Variants in THADA observed in about 807,000 individuals in gnomAD.
THADA encodes the protein tRNA (32-2'-O)-methyltransferase regulator THADA.
In THADA, 213 loss-of-function variants were observed where a neutral mutation model predicts 219.8. The observed-to-expected ratio is 0.97, with a 90% CI of 0.87 to 1.09. The LOEUF is 1.09. Ranked by LOEUF, THADA falls within the 50% of genes least tolerant of loss-of-function variation. The pLI, the probability that THADA is intolerant of heterozygous loss-of-function variation, is 0.00. For synonymous variants in THADA, 1,018 were observed against 828.9 expected (o/e 1.23, Z -3.92); for missense variants, 2,956 against 2,311.3 (o/e 1.28, Z -5.72).
chr2:43,426,690 A>T (rs372974437), intron 28 of THADA, among the ~76,000 whole-genome samples: 19 of 152,192 alleles, frequency 1.2e-4, no homozygotes, highest in African/African-American at 4.3e-4. Context: ...CCTCATGTTT[A>T]ATGGTTTTCT....
chr2:43,501,307 C>CAAAAAAAAAAAAAAAAAAAAAAAAAAAA (rs60448094), intron 24 of THADA, among the ~76,000 whole-genome samples: 1 of 15,042 alleles, frequency 6.6e-5, no homozygotes, highest in Non-Finnish European at 1.3e-4. Flanking sequence ...ACTCCAACTC[C>CAAAAAAAAAAAAAAAAAAAAAAAAAAAA]AAAAAAAAAA....
intron 10 of THADA, among the ~76,000 whole-genome samples, chr2:43,576,420 T>C (rs1699862614): frequency 6.6e-6 from 1 of 152,186 alleles, no homozygotes; most frequent in Non-Finnish European, 1.5e-5. Context: ...AGCAATATGG[T>C]CTCAGGTAAG....
chr2:43,477,188 G>A (rs72865218), intron 26 of THADA, among the ~76,000 whole-genome samples: 44 of 151,862 alleles, frequency 2.9e-4, no homozygotes, highest in African/African-American at 9.9e-4. Flanking sequence ...TCAGTATCCC[G>A]ACAGCAGTAT....
intron 25 of THADA, among the ~76,000 whole-genome samples, chr2:43,493,410 G>A (rs905611048): frequency 4.6e-5 from 7 of 152,086 alleles, no homozygotes; most frequent in Non-Finnish European, 1.0e-4. Context: ...CAGGAGAATC[G>A]CTTGAACCCG....
Position 43,574,995 on chromosome 2 carries a change from G to A in THADA, c.1070C>T (p.Ser357Phe). Residue 357 changes from serine to phenylalanine, a missense_variant, in exon 11 of 38, where the codon TCT (serine) becomes TTT (phenylalanine). Transcript: ENST00000405975. ...ATTAGTCCAGGATGCTAAGATTCTA[G>A]ACAGAAACATTTCCAGCGTTGGCTC... ...IKEPTLEMFL[S>F]RILASWTNSA... 6.2e-7 allele frequency: 1 copy of A among 1,612,712 alleles called. No individual in the cohort carries two copies. The highest frequency in any genetic ancestry group is 2.2e-5 in the East Asian group (1 of 44,862).
intron 31 of THADA, among the ~76,000 whole-genome samples, chr2:43,296,650 CA>C (rs1334457660): frequency 6.6e-6 from 1 of 152,206 alleles, no homozygotes; most frequent in Non-Finnish European, 1.5e-5. Context: ...ATCTCTGTTT[CA>C]ATGTCTAAAA....
intron 20 of THADA, among the ~76,000 whole-genome samples, chr2:43,548,498 CCTT>C (rs1696342680): frequency 6.6e-6 from 1 of 152,216 alleles, no homozygotes. Context: ...AGGCAGGCCT[CCTT>C]GAGCTGTGGT....
intron 7 of THADA, among the ~76,000 whole-genome samples, chr2:43,584,020 C>A (rs1359989768): frequency 2.2e-5 from 3 of 138,562 alleles, no homozygotes; most frequent in African/African-American, 8.3e-5. Flanking sequence ...GGTGACAGAG[C>A]CAGAGCTTGT....
At chr2:43,594,654 AC>A (rs1356464824) in intron 1 of THADA, among the ~76,000 whole-genome samples, 1 of 152,120 alleles carries the variant, frequency 6.6e-6, no homozygotes, top group Non-Finnish European at 1.5e-5. Context: ...AAATAATCTG[AC>A]CCTGCCTTCC....
intron 20 of THADA, among the ~76,000 whole-genome samples, chr2:43,548,314 G>C (rs972263024): frequency 9.2e-5 from 14 of 152,212 alleles, no homozygotes; most frequent in Non-Finnish European, 2.1e-4. Context: ...CAGGGTTCAG[G>C]GGTCAGGGAC....
intron 30 of THADA, among the ~76,000 whole-genome samples, chr2:43,340,467 G>A (rs1349640249): frequency 4.6e-5 from 7 of 152,182 alleles, no homozygotes; most frequent in Non-Finnish European, 2.9e-5. Context: ...TTATCCAATA[G>A]TGCCAATCAA....
At chr2:43,503,939 C>T (rs1689335261) in intron 24 of THADA, among the ~76,000 whole-genome samples, 1 of 152,000 alleles carries the variant, frequency 6.6e-6, no homozygotes, top group Non-Finnish European at 1.5e-5. Flanking sequence ...AATCTGAAAT[C>T]AAAAAAGCTC....
At chr2:43,391,605 T>A (rs1391416454) in intron 29 of THADA, among the ~76,000 whole-genome samples, 1 of 151,756 alleles carries the variant, frequency 6.6e-6, no homozygotes. Context: ...TTTCTTTAGT[T>A]TTTTTTTTAA....
intron 29 of THADA, among the ~76,000 whole-genome samples, chr2:43,389,336 A>G (rs1673073735): frequency 6.6e-6 from 1 of 152,176 alleles, no homozygotes; most frequent in Non-Finnish European, 1.5e-5. Flanking sequence ...CAAATGTAAA[A>G]TAATAGCTAA....
chr2:43,387,188 AT>A (rs1181062978), intron 29 of THADA, among the ~76,000 whole-genome samples: 1 of 152,150 alleles, frequency 6.6e-6, no homozygotes, highest in Non-Finnish European at 1.5e-5. Context: ...AAGTGAGAAA[AT>A]TTTAATTATG....
rs112571649 is a variant in THADA, at chr2:43,491,764, C to G, written c.3745-6439G>C. On this transcript the variant is annotated intron_variant, in intron 25 of 37. Transcript: ENST00000405975. ...ACACAACAATGAAATTCCCAAACAA[C>G]AGATTTCTCAGAATTAATTCCTGTC... Among the ~76,000 whole-genome samples the G allele has an allele frequency of 1.3e-3, 202 of 152,274 alleles. 1 individual carries two copies. The highest frequency in any genetic ancestry group is 4.6e-3 in the African/African-American group (192 of 41,538).
chr2:43,460,201 G>GCTC (rs1683456918), intron 26 of THADA, among the ~76,000 whole-genome samples: 1 of 127,784 alleles, frequency 7.8e-6, no homozygotes, highest in East Asian at 2.5e-4. Flanking sequence ...ACTTGCCTTT[G>GCTC]CTCCCAAAAG....
At chr2:43,411,205 G>A (rs985640405) in intron 28 of THADA, among the ~76,000 whole-genome samples, 1 of 152,134 alleles carries the variant, frequency 6.6e-6, no homozygotes, top group Non-Finnish European at 1.5e-5. Flanking sequence ...GCTCACAAAG[G>A]GAATGAATGT....
chr2:43,296,885 G>C (rs1257630167), intron 31 of THADA, among the ~76,000 whole-genome samples: 3 of 151,286 alleles, frequency 2.0e-5, no homozygotes, highest in Admixed American at 6.6e-5. Flanking sequence ...GGGCCCCGCG[G>C]GGCCCGAGGG....
Sources: gnomAD v4.1 joint callset for allele counts (sites outside exome capture counted in the v4.1 genomes callset) on GRCh38, gnomAD v4.1.1 for gene constraint, MANE v1.5 for transcripts, NCBI Gene and HGNC (gene_info 2026-07-23, HGNC 2026-07-21) for gene names.